Variants in ANGEL2 observed in about 807,000 individuals in gnomAD.
ANGEL2 encodes angel homolog 2, also known as RNA 2',3'-cyclic phosphatase ANGEL2.
ANGEL2 carries 41 observed loss-of-function variants against 66.0 expected under a neutral mutation model. The observed-to-expected ratio is 0.62, with a 90% CI of 0.48 to 0.81. The LOEUF is 0.81. Among genes scored for constraint, ANGEL2 ranks in the 30% least tolerant of loss-of-function variants. The probability of loss-of-function intolerance (pLI) is 0.00; values close to 1 mark genes in which losing one functional copy is unlikely to be tolerated. For missense variants in ANGEL2, 561 were observed against 641.6 expected, an observed-to-expected ratio of 0.87 and a Z score of 1.36; for synonymous variants, 208 against 226.5, an observed-to-expected ratio of 0.92 and a Z score of 0.73.
chr1:213,005,619 C>G (rs950059474), intron 4 of ANGEL2, among the ~76,000 whole-genome samples, 165 bp from the exon 5 acceptor site: 4 of 152,180 alleles, frequency 2.6e-5, no homozygotes, highest in Admixed American at 1.3e-4. Flanking sequence ...GACACTGGGT[C>G]TAACAGGCCT....
At chr1:212,998,086 TTATAATATTAAA>T (rs1480259983) in intron 7 of ANGEL2, among the ~76,000 whole-genome samples, 1 of 152,118 alleles carries the variant, frequency 6.6e-6, no homozygotes, top group East Asian at 1.9e-4. Context: ...GTCTAAGGAT[TTATAATATTAAA>T]CATAAAATAG....
At chr1:213,002,081 C>T (rs1425568042) in intron 5 of ANGEL2, 1 of 152,636 alleles carries the variant, frequency 6.6e-6, no homozygotes, top group Non-Finnish European at 1.5e-5. Flanking sequence ...TGCAGGTTTG[C>T]AATTTACTTT....
Position 213,007,131 on chromosome 1 carries a change from A to G in ANGEL2, c.710T>C (p.Leu237Pro). The change falls in exon 4 of 9, where the codon CTG becomes CCG. Residue 237 changes from leucine to proline, a missense_variant and splice_region_variant. Physicochemically the swap from Leu to Pro is moderately conservative, Grantham distance 98 (BLOSUM62 -3). Coordinates refer to ENST00000366962, the MANE Select transcript of ANGEL2 (RefSeq NM_144567.5). ...AAAAAAAAAAAGTTGCATTGTACCC[A>G]GTGATTCCAAACTTGGCCTGATCTC... ...GAEIRPSLES[L>P]GYHCEYKMRT... 2 of 1,602,500 alleles carry G rather than the reference A, an allele frequency of 1.2e-6. No individual in the cohort carries two copies. Among genetic ancestry groups the G allele is most frequent in the Non-Finnish European group, 1.7e-6 (2 of 1,173,530 alleles).
chr1:213,011,940 CCTTT>C (rs777151038), intron 2 of ANGEL2, among the ~76,000 whole-genome samples: 24 of 152,154 alleles, frequency 1.6e-4, no homozygotes, highest in Non-Finnish European at 1.9e-4. Flanking sequence ...TCTAAATACA[CCTTT>C]CATTCATTCA....
Position 213,005,403 on chromosome 1 carries a change from G to C in ANGEL2, c.764C>G (p.Ala255Gly). 1 of 1,613,778 alleles carries C rather than the reference G, an allele frequency of 6.2e-7. No homozygotes were observed. Among genetic ancestry groups the C allele is most frequent in the Non-Finnish European group, 8.5e-7 (1 of 1,179,812 alleles). Residue 255 changes from alanine (A) to glycine (G), a missense_variant, in exon 5 of 9, where the codon GCT becomes GGT. Transcript: ENST00000366962. Reference protein sequence around the residue: ...MRTGRKPDGCAICFKHSKFSL... With the variant: ...MRTGRKPDGCGICFKHSKFSL... ...AAATTTGGAATGTTTGAAGCAAATA[G>C]CACAGCCATCAGGTTTCCTTCCTGT...
rs1378688684 is a variant in ANGEL2, at chr1:213,013,889, C to A, written c.60-471G>T. 5.3e-5 allele frequency among the ~76,000 whole-genome samples: 8 copies of A among 152,280 alleles called. No individual in the cohort carries two copies. The East Asian group carries it at 1.5e-3, about 29-fold the overall frequency. On this transcript the variant is annotated intron_variant, in intron 1 of 8. Transcript: ENST00000366962. Reference sequence around the variant, plus strand: ...CAAGTTTCTGAACAGTTTTTTATACCAAGGGCAGATTTTTCCAAACACTTG... The same window carrying A: ...CAAGTTTCTGAACAGTTTTTTATACAAAGGGCAGATTTTTCCAAACACTTG...
intron 2 of ANGEL2, among the ~76,000 whole-genome samples, chr1:213,010,399 G>A (rs527831014): frequency 6.6e-6 from 1 of 151,474 alleles, no homozygotes; most frequent in East Asian, 1.9e-4. Context: ...GTGAAACCCC[G>A]TCTCTACTAA....
chr1:213,001,121 T>A, intron 5 of ANGEL2: 1 of 512,174 alleles, frequency 2.0e-6, no homozygotes. Flanking sequence ...AATGACAATC[T>A]TTTTCCCATA....
At position 213,015,704 on chromosome 1, in the gene ANGEL2, C is replaced by T. The variant is rs768694278; in HGVS notation, c.-33G>A. The T allele has an allele frequency of 3.7e-6, 6 of 1,614,020 alleles. No homozygotes were observed. The highest frequency in any genetic ancestry group is 1.6e-4 in the Middle Eastern group (1 of 6,084). ...CTCCGCGTGCGTCCAGTTCCCAGGC[C>T]CCGGGTTCCACCTCAATCTCTATAA... On this transcript the variant is annotated 5_prime_UTR_variant, in exon 1 of 9. Transcript: ENST00000366962.
intron 5 of ANGEL2, among the ~76,000 whole-genome samples, chr1:213,003,804 G>A (rs1034210534): frequency 6.6e-6 from 1 of 152,212 alleles, no homozygotes. Context: ...GAGTTGCTAT[G>A]AAACTTCAAT....
chr1:213,001,474 T>C lies in ANGEL2; in HGVS notation c.1135-562A>G, dbSNP rs79436979. ...TCTCAGCCTTCAGTGAGTCATCATCTTTTTACAGGTGGAGGATCTTGCCTA... is the reference window on the plus strand; with the variant it reads ...TCTCAGCCTTCAGTGAGTCATCATCCTTTTACAGGTGGAGGATCTTGCCTA... On this transcript the variant is annotated intron_variant, in intron 5 of 8. Coordinates refer to ENST00000366962, the MANE Select transcript of ANGEL2 (RefSeq NM_144567.5). The C allele has an allele frequency of 8.8e-3, 1,348 of 152,766 alleles. 46 individuals carry two copies. Among genetic ancestry groups the C allele is most frequent in the East Asian group, 0.072 (372 of 5,200 alleles). The allele number at this position is 152,766 out of a possible 1,614,324, so 9.5% of individuals were successfully genotyped here.
At chr1:212,996,719 A>T (rs1198514556) in intron 8 of ANGEL2, among the ~76,000 whole-genome samples, 1 of 148,128 alleles carries the variant, frequency 6.8e-6, no homozygotes, top group Admixed American at 6.8e-5. Context: ...ACATGACAGC[A>T]TAAGCTGTGT....
chr1:213,015,742 C>T lies in ANGEL2; in HGVS notation c.-71G>A, dbSNP rs2076629617. 6.2e-7 allele frequency: 1 copy of T among 1,604,074 alleles called. No individual in the cohort carries two copies. Among genetic ancestry groups the T allele is most frequent in the Admixed American group, 1.7e-5 (1 of 59,906 alleles). ...TCAATCTCTATAATCGATGCGACGG[C>T]CTAAAGTATCTAGGGAACCCCATCA... On this transcript the variant is annotated 5_prime_UTR_variant, in exon 1 of 9. Coordinates refer to ENST00000366962, the MANE Select transcript of ANGEL2 (RefSeq NM_144567.5).
At position 213,008,224 on chromosome 1, in the gene ANGEL2, G is replaced by C. The variant is rs1251169845; in HGVS notation, c.628C>G (p.His210Asp). The change falls in exon 3 of 9, where the codon CAT (histidine) becomes GAT (aspartate). Residue 210 changes from histidine to aspartate, a missense_variant. Coordinates refer to ENST00000366962, the MANE Select transcript of ANGEL2 (RefSeq NM_144567.5). ...TTTGCACTTACGTCTGCATCAAAAT[G>C]TTTAATTTCTTTCAGAATATTGGGA... ...RFPNILKEIK[H>D]FDADVLCLQE... 1.9e-6 allele frequency: 3 copies of C among 1,612,874 alleles called. No individual in the cohort carries two copies. Among genetic ancestry groups the C allele is most frequent in the Non-Finnish European group, 2.5e-6 (3 of 1,179,452 alleles).
At position 212,992,661 on chromosome 1, in the gene ANGEL2, A is replaced by G. The variant is rs1372558164; in HGVS notation, c.*2380T>C. ...CTTCATTTGATAAGCTAAAGTAAAG[A>G]GCAATTTTATGGATTAACTCTATCA... On this transcript the variant is annotated 3_prime_UTR_variant, in exon 9 of 9. Coordinates refer to ENST00000366962, the MANE Select transcript of ANGEL2 (RefSeq NM_144567.5). 1 of 152,236 alleles carries G rather than the reference A, an allele frequency of 6.6e-6. No individual in the cohort carries two copies. Among genetic ancestry groups the G allele is most frequent in the African/African-American group, 2.4e-5 (1 of 41,466 alleles). The allele number at this position is 152,236 out of a possible 1,614,324, so 9.4% of individuals were successfully genotyped here.
chr1:213,004,421 A>G (rs948524390), intron 5 of ANGEL2, among the ~76,000 whole-genome samples: 1 of 152,110 alleles, frequency 6.6e-6, no homozygotes, highest in Non-Finnish European at 1.5e-5. Context: ...CACAACCAGC[A>G]TTCAAAATTC....
intron 8 of ANGEL2, 139 bp downstream of exon 8, chr1:212,997,016 C>T: frequency 5.4e-6 from 4 of 739,152 alleles, no homozygotes; most frequent in Non-Finnish European, 8.6e-6. Context: ...AATATATTAC[C>T]AATCTGTCTA....
At chr1:212,996,640 A>AAAATATATATAT (rs56102625) in intron 8 of ANGEL2, among the ~76,000 whole-genome samples, 1 of 66,476 alleles carries the variant, frequency 1.5e-5, no homozygotes, top group African/African-American at 6.9e-5. Context: ...AAAAAAAAAA[A>AAAATATATATAT]ATATATATAT....
At chr1:213,011,223 G>A (rs2076500050) in intron 2 of ANGEL2, 1 of 1,289,166 alleles carries the variant, frequency 7.8e-7, no homozygotes, top group African/African-American at 1.5e-5. Flanking sequence ...ATATCAGGAG[G>A]AACAAGGTGA....
Sources: gnomAD v4.1 joint callset for allele counts (sites outside exome capture counted in the v4.1 genomes callset) on GRCh38, gnomAD v4.1.1 for gene constraint, MANE v1.5 for transcripts, NCBI Gene and HGNC (gene_info 2026-07-23, HGNC 2026-07-21) for gene names.